Variants in EML4 observed in about 807,000 individuals in gnomAD.
EML4 encodes echinoderm microtubule-associated protein-like 4.
A neutral mutation model predicts 129.0 loss-of-function variants in EML4; 72 were observed. The ratio of observed to expected loss-of-function variants is 0.56; its 90% CI spans 0.46 to 0.68. EML4 has a LOEUF of 0.68. Among genes scored for constraint, EML4 ranks in the 30% least tolerant of loss-of-function variants. EML4 has a pLI of 0.00. For missense variants in EML4, 1,363 were observed against 1,190.6 expected (o/e 1.14, Z -2.13); for synonymous variants, 532 against 405.0 (o/e 1.31, Z -3.77).
At chr2:42,279,609 C>T (rs1449016146) in intron 6 of EML4, among the ~76,000 whole-genome samples, 1 of 152,032 alleles carries the variant, frequency 6.6e-6, no homozygotes, top group Non-Finnish European at 1.5e-5. Context: ...AGGTGCCCGC[C>T]ATCATGCCTG....
intron 6 of EML4, among the ~76,000 whole-genome samples, chr2:42,278,547 C>T (rs1286296811): frequency 7.9e-6 from 1 of 125,900 alleles, no homozygotes; most frequent in Non-Finnish European, 1.6e-5. Flanking sequence ...GCACTCCAGC[C>T]TGGGTGACAG....
intron 17 of EML4, among the ~76,000 whole-genome samples, chr2:42,312,942 ATATCTTTTTT>A (rs1292411123): frequency 7.6e-6 from 1 of 132,084 alleles, no homozygotes; most frequent in African/African-American, 2.9e-5. Context: ...GAACCAATGT[ATATCTTTTTT>A]TTTTTTTTTT....
intron 1 of EML4, among the ~76,000 whole-genome samples, chr2:42,236,715 A>G (rs192114661): frequency 1.4e-3 from 218 of 152,266 alleles, no homozygotes; most frequent in African/African-American, 5.1e-3. Context: ...CTTCAGTTTT[A>G]CTAGATATTG....
chr2:42,214,324 G>C (rs1179476081), intron 1 of EML4, among the ~76,000 whole-genome samples: 1 of 152,176 alleles, frequency 6.6e-6, no homozygotes, highest in African/African-American at 2.4e-5. Context: ...ATGCTTACCT[G>C]AGTTTTTATT....
chr2:42,325,141 C>CAA, intron 19 of EML4: 1 of 513,036 alleles, frequency 1.9e-6, no homozygotes, highest in Non-Finnish European at 3.9e-6. Flanking sequence ...CATGGGGACA[C>CAA]CAGTGACGTG....
intron 1 of EML4, 91 bp from the exon 2 acceptor site, chr2:42,245,414 T>C: frequency 7.9e-7 from 1 of 1,259,304 alleles, no homozygotes; most frequent in South Asian, 1.4e-5. Flanking sequence ...TCTCATCTTT[T>C]GTAAGTCTTA....
intron 17 of EML4, among the ~76,000 whole-genome samples, chr2:42,310,468 C>T (rs1668875188): frequency 6.6e-6 from 1 of 152,170 alleles, no homozygotes; most frequent in South Asian, 2.1e-4. Context: ...GCCTCAACCT[C>T]CCAGGTAGCT....
chr2:42,306,533 C>T (rs1049986317), intron 17 of EML4, among the ~76,000 whole-genome samples: 2 of 113,812 alleles, frequency 1.8e-5, no homozygotes, highest in East Asian at 7.6e-4. Flanking sequence ...CGCTCTGTCA[C>T]CCAAGCTGGA....
intron 1 of EML4, among the ~76,000 whole-genome samples, chr2:42,180,105 T>A (rs547614105): frequency 1.2e-4 from 18 of 152,300 alleles, no homozygotes; most frequent in African/African-American, 3.6e-4. Flanking sequence ...AAATGAAAAG[T>A]TTAAAAAAAT....
At chr2:42,306,400 CAG>C (rs1668594223) in intron 17 of EML4, among the ~76,000 whole-genome samples, 1 of 149,942 alleles carries the variant, frequency 6.7e-6, no homozygotes, top group Non-Finnish European at 1.5e-5. Flanking sequence ...GGCAGCTAAA[CAG>C]ATATCACAAA....
At chr2:42,186,238 C>T (rs1051769597) in intron 1 of EML4, among the ~76,000 whole-genome samples, 11 of 152,080 alleles carry the variant, frequency 7.2e-5, no homozygotes, top group African/African-American at 2.7e-4. Context: ...AGATGCCGAA[C>T]TACGTTACTA....
At chr2:42,182,362 G>T (rs1302980496) in intron 1 of EML4, among the ~76,000 whole-genome samples, 5 of 141,630 alleles carry the variant, frequency 3.5e-5, no homozygotes, top group African/African-American at 1.3e-4. Context: ...GATTGAACCT[G>T]TGCTGGGCTG....
intron 1 of EML4, among the ~76,000 whole-genome samples, chr2:42,172,097 T>C (rs116457139): frequency 6.6e-6 from 1 of 152,296 alleles, no homozygotes; most frequent in African/African-American, 2.4e-5. Context: ...AACGTGAAGT[T>C]CTTCTGGGGT....
chr2:42,332,171 C>A lies in EML4; in HGVS notation c.*1964C>A, dbSNP rs952532730. On this transcript the variant is annotated 3_prime_UTR_variant, in exon 23 of 23. Coordinates refer to ENST00000318522, the MANE Select transcript of EML4 (RefSeq NM_019063.5). ...AGAAGAAAGAGCATTTCTTTAAGTA[C>A]CTGGGGAATACAGCTCTCAGTGATC... The A allele has an allele frequency of 9.1e-6, 2 of 220,048 alleles. No homozygotes were observed. Among genetic ancestry groups the A allele is most frequent in the Admixed American group, 1.2e-4 (2 of 17,302 alleles). 13.6% of individuals were successfully genotyped at this position (220,048 alleles called of 1,614,324 possible). A position where few individuals can be genotyped will look rare whatever the true frequency, so the allele number is the denominator to read the frequency against.
At chr2:42,268,465 G>A (rs1238004529) in intron 6 of EML4, among the ~76,000 whole-genome samples, 11 of 151,958 alleles carry the variant, frequency 7.2e-5, no homozygotes, top group Non-Finnish European at 1.2e-4. Flanking sequence ...TAGAGACAGG[G>A]TCTCACTCTG....
chr2:42,314,774 T>C (rs187081641), intron 17 of EML4, among the ~76,000 whole-genome samples: 1 of 152,316 alleles, frequency 6.6e-6, no homozygotes, highest in East Asian at 1.9e-4. Flanking sequence ...TATGCAGCCT[T>C]AAGTTTGTCT....
At chr2:42,229,981 A>G (rs1674225126) in intron 1 of EML4, among the ~76,000 whole-genome samples, 2 of 152,000 alleles carry the variant, frequency 1.3e-5, no homozygotes, top group South Asian at 4.2e-4. Flanking sequence ...GGAAGAGGAG[A>G]GAGATACCGA....
In EML4 at chr2:42,256,498, T is replaced by C; in HGVS notation, c.209-3T>C. 6.3e-7 allele frequency: 1 copy of C among 1,591,386 alleles called. No homozygotes were observed. Among genetic ancestry groups the C allele is most frequent in the Non-Finnish European group, 8.5e-7 (1 of 1,171,582 alleles). Reference sequence around the variant, plus strand: ...TATAATTTTTTTCCTTAATTATCTTTAGGCCAACCAAGCCCTCGAGCAGTT... The same window carrying C: ...TATAATTTTTTTCCTTAATTATCTTCAGGCCAACCAAGCCCTCGAGCAGTT... On this transcript the variant is annotated splice_region_variant and splice_polypyrimidine_tract_variant and intron_variant, in intron 2 of 22. Coordinates refer to ENST00000318522, the MANE Select transcript of EML4 (RefSeq NM_019063.5).
intron 16 of EML4, among the ~76,000 whole-genome samples, chr2:42,304,226 T>A (rs1558594274): frequency 6.6e-6 from 1 of 152,174 alleles, no homozygotes; most frequent in Non-Finnish European, 1.5e-5. Context: ...TACCAGTGTT[T>A]GTTGTTATTA....
Sources: allele counts gnomAD v4.1 joint callset (sites outside exome capture counted in the v4.1 genomes callset), GRCh38; gene constraint gnomAD v4.1.1; transcripts MANE v1.5; gene names NCBI Gene and HGNC (gene_info 2026-07-23, HGNC 2026-07-21).